Variants in FAP observed in about 807,000 individuals in gnomAD.
FAP encodes prolyl endopeptidase FAP.
In FAP, 110 loss-of-function variants were observed where a neutral mutation model predicts 126.5. The ratio of observed to expected loss-of-function variants is 0.87; its 90% CI spans 0.74 to 1.02. The LOEUF (loss-of-function observed/expected upper bound fraction) is 1.02. FAP is among the 50% of genes least tolerant of loss of function. The probability of loss-of-function intolerance (pLI) is 0.00; values close to 1 mark genes in which losing one functional copy is unlikely to be tolerated. For missense variants in FAP, 919 were observed against 909.2 expected (o/e 1.01, Z -0.14); for synonymous variants, 334 against 297.3 (o/e 1.12, Z -1.27).
intron 4 of FAP, 39 bp downstream of exon 4, chr2:162,225,443 GC>G: frequency 1.3e-6 from 2 of 1,580,188 alleles, no homozygotes; most frequent in South Asian, 2.3e-5. Context: ...TGAAGAGTGG[GC>G]AAAGGTTTCT....
intron 8 of FAP, 131 bp downstream of exon 8, chr2:162,218,932 C>T (rs1257804733): frequency 1.5e-6 from 1 of 664,664 alleles, no homozygotes; most frequent in Non-Finnish European, 2.3e-6. Flanking sequence ...TATTCGTAAC[C>T]TAGAGACAAT....
intron 6 of FAP, among the ~76,000 whole-genome samples, chr2:162,221,032 A>T (rs184001488): frequency 1.7e-4 from 26 of 152,262 alleles, no homozygotes; most frequent in African/African-American, 5.8e-4. Flanking sequence ...GAAGATCTGT[A>T]ACACACACTG....
intron 17 of FAP, among the ~76,000 whole-genome samples, chr2:162,190,116 A>T (rs930737783): frequency 1.9e-4 from 29 of 152,034 alleles, no homozygotes; most frequent in Admixed American, 1.9e-3. Flanking sequence ...TCATATACTT[A>T]AAAAAATGTA....
chr2:162,228,973 A>T (rs1026687302), intron 2 of FAP, among the ~76,000 whole-genome samples: 4 of 152,188 alleles, frequency 2.6e-5, no homozygotes, highest in African/African-American at 9.6e-5. Context: ...TGGAAAATTT[A>T]AAAATGTATA....
At chr2:162,243,279 C>G (rs752983236) in intron 1 of FAP, 43 bp downstream of exon 1, 24 of 1,451,802 alleles carry the variant, frequency 1.7e-5, no homozygotes, top group Non-Finnish European at 2.2e-5. Context: ...TCAATCCAGC[C>G]AACCCTAATT....
intron 5 of FAP, among the ~76,000 whole-genome samples, chr2:162,223,909 G>C (rs1418423354): frequency 6.6e-6 from 1 of 151,964 alleles, no homozygotes; most frequent in Admixed American, 6.6e-5. Flanking sequence ...TCCATAAAAA[G>C]CATATCCAAA....
At position 162,198,830 on chromosome 2, in the gene FAP, T is replaced by C. The variant is rs760877586; in HGVS notation, c.1329A>G (p.Leu443=). 1.9e-6 allele frequency: 3 copies of C among 1,613,776 alleles called. No homozygotes were observed. The highest frequency in any genetic ancestry group is 4.5e-5 in the East Asian group (2 of 44,882). Residue 443 remains leucine, a synonymous_variant, in exon 16 of 26, where the codon CTA becomes CTG. Transcript: ENST00000188790. ...PPSKKCVTCH[L]RKERCQYYTA... ...TGTAATATTGGCACCTTTCTTTCCT[T>C]AGATGGCAAGTAACACACTTCTTGC...
intron 16 of FAP, among the ~76,000 whole-genome samples, chr2:162,196,466 A>G (rs1688255739): frequency 6.6e-6 from 1 of 151,466 alleles, no homozygotes; most frequent in Non-Finnish European, 1.5e-5. Context: ...ACCAGCATCT[A>G]CCCTGTGGAA....
At chr2:162,171,986 C>A (rs1450936292) in intron 25 of FAP, 2 of 152,098 alleles carry the variant, frequency 1.3e-5, no homozygotes, top group African/African-American at 2.4e-5. Context: ...AATTTCCCTA[C>A]TGTACTTTCA....
chr2:162,183,460 A>G lies in FAP; in HGVS notation c.1823T>C (p.Ile608Thr), dbSNP rs750895078. ...TTTTTCATCAATGAAACCCATTTCT[A>G]TGAATTTTCTAAAGTAAAAGAAACA... ...EDQITAVRKFIEMGFIDEKRI... is the reference protein window; with the variant it reads ...EDQITAVRKFTEMGFIDEKRI... Residue 608 changes from isoleucine (I) to threonine (T), a missense_variant, in exon 21 of 26, where the codon ATA becomes ACA. Coordinates refer to ENST00000188790, the MANE Select transcript of FAP (RefSeq NM_004460.5). 5 of 1,607,914 alleles carry G rather than the reference A, an allele frequency of 3.1e-6. No homozygotes were observed. The highest frequency in any genetic ancestry group is 2.2e-5 in the South Asian group (2 of 90,448).
intron 20 of FAP, among the ~76,000 whole-genome samples, chr2:162,185,573 A>G (rs1414909270): frequency 6.6e-6 from 1 of 152,104 alleles, no homozygotes; most frequent in Non-Finnish European, 1.5e-5. Context: ...TTTCTTTCAC[A>G]TAGATAGAAG....
At chr2:162,242,112 G>A (rs1021809513) in intron 2 of FAP, among the ~76,000 whole-genome samples, 2 of 151,920 alleles carry the variant, frequency 1.3e-5, no homozygotes, top group Non-Finnish European at 2.9e-5. Context: ...TAGACACAAA[G>A]ACATAAGACC....
At chr2:162,228,669 A>G (rs1689763719) in intron 2 of FAP, among the ~76,000 whole-genome samples, 1 of 152,192 alleles carries the variant, frequency 6.6e-6, no homozygotes, top group South Asian at 2.1e-4. Context: ...AAGGTTGTGT[A>G]CACTATACAG....
At chr2:162,228,164 C>CTGGCTGGA (rs887603306) in intron 2 of FAP, among the ~76,000 whole-genome samples, 10 of 152,088 alleles carry the variant, frequency 6.6e-5, no homozygotes, top group African/African-American at 2.4e-4. Context: ...GAAATGAAGG[C>CTGGCTGGA]TGGCTGGATG....
intron 12 of FAP, among the ~76,000 whole-genome samples, chr2:162,205,759 C>T (rs1343811846): frequency 2.0e-5 from 3 of 152,136 alleles, no homozygotes; most frequent in East Asian, 1.9e-4. Flanking sequence ...GTGATCCACC[C>T]GCCTTGGCCT....
At chr2:162,183,678 G>A (rs1687769027) in intron 20 of FAP, 2 of 478,720 alleles carry the variant, frequency 4.2e-6, no homozygotes, top group South Asian at 2.5e-5. Flanking sequence ...AGACTCTGTT[G>A]TACAGTTATT....
chr2:162,181,965 C>G (rs1338868066), intron 21 of FAP, among the ~76,000 whole-genome samples: 1 of 152,178 alleles, frequency 6.6e-6, no homozygotes, highest in Non-Finnish European at 1.5e-5. Flanking sequence ...CCATTTCTTA[C>G]TTTCTTTGCT....
chr2:162,206,015 TA>T (rs983261480), intron 12 of FAP, among the ~76,000 whole-genome samples: 5 of 151,752 alleles, frequency 3.3e-5, no homozygotes, highest in Admixed American at 6.6e-5. Context: ...TTATTGAAAA[TA>T]AAAAAAACAG....
intron 6 of FAP, among the ~76,000 whole-genome samples, 177 bp from the exon 7 acceptor site, chr2:162,220,102 G>T (rs1403887449): frequency 6.6e-6 from 1 of 152,210 alleles, no homozygotes; most frequent in African/African-American, 2.4e-5. Context: ...GGTGTTGATT[G>T]CTGTTCTTCC....
Sources: gnomAD v4.1 joint callset for allele counts (sites outside exome capture counted in the v4.1 genomes callset) on GRCh38, gnomAD v4.1.1 for gene constraint, MANE v1.5 for transcripts, NCBI Gene and HGNC (gene_info 2026-07-23, HGNC 2026-07-21) for gene names.